The following ADAMTS17 variants were observed in gnomAD, a reference collection of about 807,000 sequenced individuals.
ADAMTS17 encodes A disintegrin and metalloproteinase with thrombospondin motifs 17.
Under a neutral mutation model 141.5 loss-of-function variants are expected in ADAMTS17, and 113 were observed. The observed-to-expected ratio is 0.80, with a 90% CI of 0.69 to 0.93. The LOEUF (loss-of-function observed/expected upper bound fraction) is 0.93. Among genes scored for constraint, ADAMTS17 ranks in the 40% least tolerant of loss-of-function variants. ADAMTS17 has a pLI of 0.00. For synonymous variants in ADAMTS17, 768 were observed against 630.6 expected (o/e 1.22, Z -3.27); for missense variants, 1,659 against 1,517.9 (o/e 1.09, Z -1.54).
chr15:100,013,430 G>T (rs1240557036), intron 18 of ADAMTS17, among the ~76,000 whole-genome samples: 2 of 152,092 alleles, frequency 1.3e-5, no homozygotes, highest in African/African-American at 4.8e-5. Flanking sequence ...TGTTGAAGAG[G>T]AGTAGTGAGA....
chr15:100,300,288 G>C (rs2044984324), intron 3 of ADAMTS17, among the ~76,000 whole-genome samples: 1 of 152,168 alleles, frequency 6.6e-6, no homozygotes, highest in Non-Finnish European at 1.5e-5. Flanking sequence ...CATAGGCTTA[G>C]GGGTGAGAAA....
At chr15:100,283,451 G>A (rs186834498) in intron 3 of ADAMTS17, among the ~76,000 whole-genome samples, 1 of 152,290 alleles carries the variant, frequency 6.6e-6, no homozygotes, top group Admixed American at 6.5e-5. Flanking sequence ...TTTTAAAGGT[G>A]CAGAGCTGAT....
intron 18 of ADAMTS17, among the ~76,000 whole-genome samples, chr15:100,034,762 C>G (rs958385650): frequency 5.3e-5 from 8 of 152,174 alleles, no homozygotes; most frequent in Non-Finnish European, 2.9e-5. Context: ...CCCTCGTGTG[C>G]CCGACACCTA....
chr15:99,986,937 C>T (rs1352810846), intron 20 of ADAMTS17, among the ~76,000 whole-genome samples: 2 of 152,166 alleles, frequency 1.3e-5, no homozygotes, highest in Non-Finnish European at 2.9e-5. Flanking sequence ...GTGCCCTAGG[C>T]AGAGATGGGA....
rs146811543 is a variant in ADAMTS17 at position 100,161,569 on chromosome 15, G to A, written c.1182-6249C>T. 2.0e-3 allele frequency among the ~76,000 whole-genome samples: 299 copies of A among 152,296 alleles called. 1 individual carries two copies. The highest frequency in any genetic ancestry group is 6.9e-3 in the African/African-American group (287 of 41,560). On this transcript the variant is annotated intron_variant, in intron 8 of 21. Coordinates refer to ENST00000268070, the MANE Select transcript of ADAMTS17 (RefSeq NM_139057.4). ...TTATTGACTTTGCAGTAACTGGAATGGCCCATGGCAGTTTCTAAGAAATAG... is the reference window on the plus strand; with the variant it reads ...TTATTGACTTTGCAGTAACTGGAATAGCCCATGGCAGTTTCTAAGAAATAG...
chr15:100,155,401 G>A (rs551526135), intron 8 of ADAMTS17, 81 bp from the exon 9 acceptor site: 1 of 1,555,906 alleles, frequency 6.4e-7, no homozygotes, highest in Non-Finnish European at 8.7e-7. Flanking sequence ...ACCATGCTAA[G>A]GTAAATCAAG....
chr15:100,303,988 C>T (rs763043831), intron 3 of ADAMTS17, among the ~76,000 whole-genome samples: 5 of 152,148 alleles, frequency 3.3e-5, no homozygotes, highest in East Asian at 1.9e-4. Flanking sequence ...CCTCCCAAAG[C>T]GCTGGGATTA....
At chr15:99,999,701 C>T (rs1022006650) in intron 18 of ADAMTS17, among the ~76,000 whole-genome samples, 55 of 152,210 alleles carry the variant, frequency 3.6e-4, no homozygotes, top group African/African-American at 1.1e-3. Flanking sequence ...ACCACTGGCT[C>T]GGTGTGGATA....
chr15:100,112,802 G>C (rs1177020591), intron 13 of ADAMTS17, among the ~76,000 whole-genome samples: 3 of 152,124 alleles, frequency 2.0e-5, no homozygotes, highest in African/African-American at 7.2e-5. Flanking sequence ...CAGGACTTCT[G>C]CTTGGCTGGA....
intron 15 of ADAMTS17, among the ~76,000 whole-genome samples, chr15:100,086,230 A>C (rs1433696710): frequency 2.0e-5 from 3 of 152,260 alleles, no homozygotes; most frequent in Non-Finnish European, 2.9e-5. Flanking sequence ...TAAACCAACA[A>C]AGATTAAAAG....
chr15:100,009,972 C>G (rs574201090), intron 18 of ADAMTS17, among the ~76,000 whole-genome samples: 1 of 152,108 alleles, frequency 6.6e-6, no homozygotes, highest in Non-Finnish European at 1.5e-5. Flanking sequence ...TCCCATGTGT[C>G]GTGGGAGGGA....
chr15:100,053,476 G>A lies in ADAMTS17; in HGVS notation c.2295+421C>T, dbSNP rs539872612. On this transcript the variant is annotated intron_variant, in intron 16 of 21. Coordinates refer to ENST00000268070, the MANE Select transcript of ADAMTS17 (RefSeq NM_139057.4). The stretch of plus-strand genomic sequence containing the variant: ...ATTCCAGTTCGGACCTGGAGTCATA[G>A]TTCATTTCCGAAAGGTAATGATATA... 3.9e-5 allele frequency among the ~76,000 whole-genome samples: 6 copies of A among 152,290 alleles called. No individual in the cohort carries two copies. In the South Asian group the frequency reaches 1.2e-3, roughly 32 times the overall value.
chr15:100,321,415 T>C (rs2045730431), intron 3 of ADAMTS17, among the ~76,000 whole-genome samples: 1 of 152,192 alleles, frequency 6.6e-6, no homozygotes, highest in Non-Finnish European at 1.5e-5. Flanking sequence ...TTCCCAAATT[T>C]GACATTTTTT....
At chr15:100,195,229 T>A (rs1449108781) in intron 8 of ADAMTS17, among the ~76,000 whole-genome samples, 2 of 152,190 alleles carry the variant, frequency 1.3e-5, no homozygotes, top group Non-Finnish European at 2.9e-5. Flanking sequence ...CCTCTGCAGC[T>A]TCTCACACAG....
intron 7 of ADAMTS17, among the ~76,000 whole-genome samples, chr15:100,210,739 G>A (rs2041773611): frequency 2.0e-5 from 3 of 152,188 alleles, no homozygotes; most frequent in Admixed American, 2.0e-4. Context: ...GCCAAGGTGG[G>A]TGGATCACTT....
intron 18 of ADAMTS17, among the ~76,000 whole-genome samples, chr15:100,025,782 C>T (rs2061502283): frequency 1.3e-5 from 2 of 152,140 alleles, no homozygotes; most frequent in South Asian, 2.1e-4. Context: ...TTGATCTCAA[C>T]TTTGTAGTAG....
chr15:100,010,177 G>A (rs2727150), intron 18 of ADAMTS17, among the ~76,000 whole-genome samples: 32,287 of 152,172 alleles, frequency 0.21, 3,646 homozygotes, highest in Admixed American at 0.27. Flanking sequence ...CCTGCCACGT[G>A]CAACTGCGAG....
At chr15:100,154,684 G>T (rs1596123839) in intron 9 of ADAMTS17, among the ~76,000 whole-genome samples, 1 of 152,170 alleles carries the variant, frequency 6.6e-6, no homozygotes, top group African/African-American at 2.4e-5. Context: ...GAATGGAAGG[G>T]TGCAGACACC....
intron 20 of ADAMTS17, among the ~76,000 whole-genome samples, chr15:99,982,760 GGCA>G (rs2060507101): frequency 6.6e-6 from 1 of 152,144 alleles, no homozygotes; most frequent in Non-Finnish European, 1.5e-5. Context: ...GAGAAATGGG[GGCA>G]GCAATAAATT....
Sources: gnomAD v4.1 joint callset for allele counts (sites outside exome capture counted in the v4.1 genomes callset) on GRCh38, gnomAD v4.1.1 for gene constraint, MANE v1.5 for transcripts, NCBI Gene and HGNC (gene_info 2026-07-23, HGNC 2026-07-21) for gene names.